NEGR1: variants seen among roughly 807,000 people sequenced by gnomAD.
NEGR1 encodes the protein IgLON family member 4.
A neutral mutation model predicts 40.9 loss-of-function variants in NEGR1; 10 were observed. That is an observed-to-expected ratio of 0.24 (90% CI 0.15 to 0.42). NEGR1 has a LOEUF of 0.42. NEGR1 is among the 10% of genes least tolerant of loss of function. NEGR1 has a pLI of 1.00. For missense variants in NEGR1, 352 were observed against 438.9 expected, an observed-to-expected ratio of 0.80 and a Z score of 1.77; for synonymous variants, 185 against 166.8, an observed-to-expected ratio of 1.11 and a Z score of -0.84.
intron 2 of NEGR1, among the ~76,000 whole-genome samples, chr1:71,801,078 C>T (rs1161484230): frequency 6.6e-6 from 1 of 152,172 alleles, no homozygotes; most frequent in African/African-American, 2.4e-5. Flanking sequence ...AGGTTCTCAG[C>T]TCTCATCTTA....
chr1:71,605,444 C>A (rs1444571609), intron 5 of NEGR1, among the ~76,000 whole-genome samples: 1 of 152,134 alleles, frequency 6.6e-6, no homozygotes, highest in Non-Finnish European at 1.5e-5. Flanking sequence ...TCATCTAAGA[C>A]AAGACGGTAA....
intron 5 of NEGR1, 119 bp downstream of exon 5, chr1:71,610,907 A>G: frequency 1.0e-6 from 1 of 992,086 alleles, no homozygotes; most frequent in Non-Finnish European, 1.5e-6. Flanking sequence ...TGCTTGCTGG[A>G]GAGGAGGCTG....
At chr1:72,063,883 C>G (rs1274691557) in intron 1 of NEGR1, among the ~76,000 whole-genome samples, 1 of 151,612 alleles carries the variant, frequency 6.6e-6, no homozygotes, top group Non-Finnish European at 1.5e-5. Flanking sequence ...CAGAGAACCC[C>G]CCTGTAAGAT....
intron 4 of NEGR1, among the ~76,000 whole-genome samples, chr1:71,694,879 A>G (rs994317881): frequency 3.3e-5 from 5 of 151,764 alleles, no homozygotes; most frequent in African/African-American, 1.2e-4. Flanking sequence ...CACAATCAAT[A>G]TTGATTAATA....
chr1:71,450,653 G>A (rs935643791), intron 6 of NEGR1, among the ~76,000 whole-genome samples: 5 of 151,234 alleles, frequency 3.3e-5, no homozygotes, highest in African/African-American at 9.7e-5. Flanking sequence ...CTAGAAATAC[G>A]AAAAAAATTA....
intron 2 of NEGR1, among the ~76,000 whole-genome samples, chr1:71,922,337 T>C (rs993340940): frequency 5.9e-5 from 9 of 152,116 alleles, no homozygotes; most frequent in Admixed American, 3.3e-4. Context: ...AAAAACATAG[T>C]AGGCTGGGAA....
chr1:71,671,510 A>G (rs1652430405), intron 4 of NEGR1, among the ~76,000 whole-genome samples: 1 of 152,200 alleles, frequency 6.6e-6, no homozygotes, highest in Non-Finnish European at 1.5e-5. Flanking sequence ...AATAACAGGA[A>G]TAAAATTGTA....
chr1:71,816,726 C>G (rs1353765374), intron 2 of NEGR1, among the ~76,000 whole-genome samples: 2 of 151,924 alleles, frequency 1.3e-5, no homozygotes, highest in Non-Finnish European at 2.9e-5. Flanking sequence ...GGAAATTGCT[C>G]CTGTTCCCAT....
intron 3 of NEGR1, among the ~76,000 whole-genome samples, chr1:71,716,314 C>A (rs909025098): frequency 6.6e-6 from 1 of 151,924 alleles, no homozygotes; most frequent in African/African-American, 2.4e-5. Context: ...GGACACAGAG[C>A]CAAACCATAT....
intron 4 of NEGR1, among the ~76,000 whole-genome samples, chr1:71,691,887 T>TTTTAGAAA (rs1653295647): frequency 6.6e-6 from 1 of 151,502 alleles, no homozygotes; most frequent in Non-Finnish European, 1.5e-5. Flanking sequence ...TTTTTTTTAA[T>TTTTAGAAA]TTTAGAAATC....
At chr1:71,617,153 C>A (rs1650471976) in intron 4 of NEGR1, among the ~76,000 whole-genome samples, 1 of 152,238 alleles carries the variant, frequency 6.6e-6, no homozygotes, top group African/African-American at 2.4e-5. Flanking sequence ...ATTCTCGTGA[C>A]TAACCACATT....
At chr1:71,603,697 A>T (rs1029195533) in intron 5 of NEGR1, among the ~76,000 whole-genome samples, 2 of 152,170 alleles carry the variant, frequency 1.3e-5, no homozygotes, top group African/African-American at 4.8e-5. Context: ...ATCTTAAAGT[A>T]GAAATAAATG....
rs1050738300 is a variant in NEGR1, at chr1:71,592,295, T to C, written c.940+522A>G. Among the ~76,000 whole-genome samples the C allele has an allele frequency of 3.9e-5, 6 of 152,282 alleles. No individual in the cohort carries two copies. The South Asian group carries it at 8.3e-4, about 21-fold the overall frequency. On this transcript the variant is annotated intron_variant, in intron 6 of 6. Coordinates refer to ENST00000357731, the MANE Select transcript of NEGR1 (RefSeq NM_173808.3). ...TTTATTTGAATAAAATCTTAAGTTT[T>C]ATTTTAAAATACAATTTTGAGTAAA...
chr1:72,072,711 A>G (rs1647521169), intron 1 of NEGR1, among the ~76,000 whole-genome samples: 1 of 151,470 alleles, frequency 6.6e-6, no homozygotes, highest in African/African-American at 2.4e-5. Flanking sequence ...CTGGCTAGCA[A>G]AGGCATCGAT....
chr1:71,847,486 A>G (rs1200222979), intron 2 of NEGR1, among the ~76,000 whole-genome samples: 3 of 152,118 alleles, frequency 2.0e-5, no homozygotes, highest in Admixed American at 6.5e-5. Context: ...AAGCATTTTC[A>G]TAATTATTAT....
intron 6 of NEGR1, among the ~76,000 whole-genome samples, chr1:71,481,667 C>T (rs1646854842): frequency 6.6e-6 from 1 of 151,848 alleles, no homozygotes; most frequent in African/African-American, 2.4e-5. Flanking sequence ...CAAAACACAA[C>T]CACTTTGTAA....
chr1:72,099,058 TATA>T (rs1648828670), intron 1 of NEGR1, among the ~76,000 whole-genome samples: 1 of 151,966 alleles, frequency 6.6e-6, no homozygotes, highest in Non-Finnish European at 1.5e-5. Context: ...TGTTATTAAT[TATA>T]TAATCAAATT....
chr1:72,252,842 C>T (rs1655149524), intron 1 of NEGR1, among the ~76,000 whole-genome samples: 1 of 152,052 alleles, frequency 6.6e-6, no homozygotes, highest in Admixed American at 6.5e-5. Context: ...TATATATCTC[C>T]ATATCATTCT....
intron 2 of NEGR1, among the ~76,000 whole-genome samples, chr1:71,915,317 A>C (rs1239160181): frequency 6.6e-6 from 1 of 152,122 alleles, no homozygotes; most frequent in Non-Finnish European, 1.5e-5. Context: ...AGAATAGAAA[A>C]AATAGAAAGT....
Sources: allele counts gnomAD v4.1 joint callset (sites outside exome capture counted in the v4.1 genomes callset), GRCh38; gene constraint gnomAD v4.1.1; transcripts MANE v1.5; gene names NCBI Gene and HGNC (gene_info 2026-07-23, HGNC 2026-07-21).